MAGI2: variants seen among roughly 807,000 people sequenced by gnomAD.
MAGI2 encodes the protein membrane-associated guanylate kinase, WW and PDZ domain-containing protein 2.
Under a neutral mutation model 133.3 loss-of-function variants are expected in MAGI2, and 35 were observed. The observed-to-expected ratio is 0.26, with a 90% CI of 0.20 to 0.35. The LOEUF (loss-of-function observed/expected upper bound fraction) is 0.35, where lower values mean the gene tolerates loss of function less well. MAGI2 is among the 10% of genes least tolerant of loss of function. The pLI is 1.00. For missense variants in MAGI2, 1,636 were observed against 1,863.4 expected (o/e 0.88, Z 2.25); for synonymous variants, 729 against 710.6 (o/e 1.03, Z -0.41).
intron 1 of MAGI2, among the ~76,000 whole-genome samples, chr7:79,226,643 T>G (rs2129553843): frequency 6.6e-6 from 1 of 152,284 alleles, no homozygotes; most frequent in Admixed American, 6.5e-5. Flanking sequence ...TATTTCTATC[T>G]TCCATTCTTC....
intron 3 of MAGI2, among the ~76,000 whole-genome samples, chr7:78,574,425 T>C (rs1168268415): frequency 6.6e-6 from 1 of 152,240 alleles, no homozygotes; most frequent in Non-Finnish European, 1.5e-5. Context: ...TATTTTACCA[T>C]GTATACTGTC....
intron 1 of MAGI2, among the ~76,000 whole-genome samples, chr7:79,425,116 T>C (rs1847248120): frequency 6.6e-6 from 1 of 151,814 alleles, no homozygotes; most frequent in Admixed American, 6.6e-5. Flanking sequence ...CTGGGAGTGG[T>C]GGTGGGTGTC....
intron 1 of MAGI2, among the ~76,000 whole-genome samples, chr7:79,171,799 C>A: frequency 1.7e-5 from 1 of 58,032 alleles, no homozygotes; most frequent in African/African-American, 4.2e-5. Context: ...TTTAAAGGGT[C>A]TCCAAAATAC....
intron 20 of MAGI2, among the ~76,000 whole-genome samples, chr7:78,099,146 A>G (rs1317339178): frequency 6.6e-6 from 1 of 152,180 alleles, no homozygotes; most frequent in South Asian, 2.1e-4. Context: ...ATTAAGTATC[A>G]GTTCCTAACT....
At chr7:78,143,830 G>C (rs569986084) in intron 16 of MAGI2, among the ~76,000 whole-genome samples, 7 of 151,370 alleles carry the variant, frequency 4.6e-5, no homozygotes, top group Admixed American at 4.0e-4. Context: ...TTTTTGTGAT[G>C]TTGCTTCATC....
At chr7:78,552,544 C>G (rs1584603163) in intron 3 of MAGI2, among the ~76,000 whole-genome samples, 2 of 152,168 alleles carry the variant, frequency 1.3e-5, no homozygotes, top group Admixed American at 1.3e-4. Context: ...ATAGTAAAAA[C>G]AGCCTTATTA....
intron 1 of MAGI2, among the ~76,000 whole-genome samples, chr7:79,147,573 T>G (rs1197454825): frequency 3.9e-5 from 6 of 152,160 alleles, no homozygotes; most frequent in African/African-American, 1.4e-4. Context: ...ACAAAAGATG[T>G]CAGTGAACCC....
intron 2 of MAGI2, among the ~76,000 whole-genome samples, chr7:78,753,744 C>G (rs1269723572): frequency 1.3e-5 from 2 of 151,258 alleles, no homozygotes; most frequent in Non-Finnish European, 2.9e-5. Flanking sequence ...AAATCATAAC[C>G]AATTCAATCT....
chr7:78,182,457 C>T (rs1460777970), intron 13 of MAGI2, among the ~76,000 whole-genome samples: 1 of 152,168 alleles, frequency 6.6e-6, no homozygotes, highest in Non-Finnish European at 1.5e-5. Context: ...AGCCATCTCC[C>T]AGTTTCTATT....
intron 1 of MAGI2, among the ~76,000 whole-genome samples, chr7:79,441,484 G>A (rs1044288055): frequency 7.2e-5 from 11 of 152,006 alleles, no homozygotes; most frequent in African/African-American, 2.2e-4. Context: ...ATTCAATTTA[G>A]CATACTGTTT....
At chr7:79,355,835 A>G (rs1841986063) in intron 1 of MAGI2, among the ~76,000 whole-genome samples, 1 of 152,008 alleles carries the variant, frequency 6.6e-6, no homozygotes, top group Admixed American at 6.5e-5. Flanking sequence ...CAGATATACA[A>G]ATATTTTAAG....
At chr7:78,427,674 A>AC (rs1322563234) in intron 6 of MAGI2, among the ~76,000 whole-genome samples, 32 of 151,558 alleles carry the variant, frequency 2.1e-4, no homozygotes, top group African/African-American at 6.3e-4. Context: ...AAAAAAAAAA[A>AC]CAGCCAGAAT....
chr7:78,653,420 G>T (rs578018191), intron 2 of MAGI2, among the ~76,000 whole-genome samples: 1 of 152,254 alleles, frequency 6.6e-6, no homozygotes, highest in African/African-American at 2.4e-5. Flanking sequence ...TAAAGAAAAT[G>T]TGGCACATAT....
At chr7:79,270,552 T>C (rs1585387419) in intron 1 of MAGI2, among the ~76,000 whole-genome samples, 1 of 152,138 alleles carries the variant, frequency 6.6e-6, no homozygotes, top group South Asian at 2.1e-4. Flanking sequence ...TTAGGCAAGA[T>C]AGGGGATACA....
At chr7:79,378,924 G>GTATATATATATATATA (rs745327540) in intron 1 of MAGI2, among the ~76,000 whole-genome samples, 4 of 48,244 alleles carry the variant, frequency 8.3e-5, no homozygotes, top group Non-Finnish European at 1.1e-4. Context: ...ATATGTGTGT[G>GTATATATATATATATA]TGTATATATA....
chr7:78,145,966 T>C (rs1436875532), intron 16 of MAGI2, among the ~76,000 whole-genome samples: 1 of 152,170 alleles, frequency 6.6e-6, no homozygotes, highest in Non-Finnish European at 1.5e-5. Context: ...CATATAGGTT[T>C]TGGAGCAGGA....
intron 1 of MAGI2, among the ~76,000 whole-genome samples, chr7:79,390,904 T>G (rs1031982362): frequency 6.6e-6 from 1 of 152,144 alleles, no homozygotes; most frequent in African/African-American, 2.4e-5. Context: ...AGCCTCCCTC[T>G]TTTGAGTCCC....
chr7:78,340,263 G>T (rs1368541370), intron 9 of MAGI2, among the ~76,000 whole-genome samples: 1 of 143,316 alleles, frequency 7.0e-6, no homozygotes, highest in Non-Finnish European at 1.5e-5. Flanking sequence ...GTATTCTAAG[G>T]AATTTAAAAA....
At position 78,930,189 on chromosome 7, in the gene MAGI2, CA is replaced by C. The variant is rs575195349; in HGVS notation, c.418+76900del. Among the ~76,000 whole-genome samples the C allele has an allele frequency of 4.6e-4, 70 of 152,196 alleles. 1 individual carries two copies. The South Asian group carries it at 7.0e-3, about 15-fold the overall frequency. ...ATCAGTCTCCAAAAATGCAAGAAAG[CA>C]GAAGCAAATTACTCAATTTGGCTAA... On this transcript the variant is annotated intron_variant, in intron 2 of 21. Coordinates refer to ENST00000354212, the MANE Select transcript of MAGI2 (RefSeq NM_012301.4).
Sources: allele counts gnomAD v4.1 joint callset (sites outside exome capture counted in the v4.1 genomes callset), GRCh38; gene constraint gnomAD v4.1.1; transcripts MANE v1.5; gene names NCBI Gene and HGNC (gene_info 2026-07-23, HGNC 2026-07-21).